Variants in SMARCA1 observed in about 807,000 individuals in gnomAD.
SMARCA1 encodes SWI/SNF-related matrix-associated actin-dependent regulator of chromatin subfamily A member 1.
In SMARCA1, 17 loss-of-function variants were observed where a neutral mutation model predicts 93.6. The observed-to-expected ratio is 0.18, with a 90% CI of 0.12 to 0.27. The LOEUF is 0.27. Among genes scored for constraint, SMARCA1 ranks in the 10% least tolerant of loss-of-function variants. The pLI, the probability that SMARCA1 is intolerant of heterozygous loss-of-function variation, is 1.00. For synonymous variants in SMARCA1, 271 were observed against 271.4 expected (o/e 1.00, Z 0.01); for missense variants, 630 against 819.0 (o/e 0.77, Z 2.82).
chrX:129,464,054 G>T (rs1056215332), intron 23 of SMARCA1, among the ~76,000 whole-genome samples: 2 of 112,098 alleles, frequency 1.8e-5, no homozygotes, highest in African/African-American at 6.5e-5. Flanking sequence ...ATCATGGCTT[G>T]GTCTAAAATA....
chrX:129,493,314 C>A (rs959976326), intron 12 of SMARCA1, among the ~76,000 whole-genome samples: 1 of 111,491 alleles, frequency 9.0e-6, no homozygotes, highest in Non-Finnish European at 1.9e-5. Flanking sequence ...CTGTACTTTA[C>A]ATATAGTATA....
intron 3 of SMARCA1, 82 bp downstream of exon 3, chrX:129,516,249 G>A (rs1211609059): frequency 4.6e-6 from 4 of 876,420 alleles, no homozygotes; most frequent in South Asian, 2.4e-5. Context: ...GAGCGAAGGG[G>A]TGCATGAAGG....
chrX:129,504,562 AAAAAAAAAAAAAAAAAAAAC>A (rs2096549196), intron 9 of SMARCA1, among the ~76,000 whole-genome samples, 152 bp downstream of exon 9: 1 of 96,110 alleles, frequency 1.0e-5, no homozygotes, highest in Non-Finnish European at 2.0e-5. Context: ...AAAAAAAAAA[AAAAAAAAAAAAAAAAAAAAC>A]AAAGAGGCTG....
chrX:129,456,253 T>C lies in SMARCA1; in HGVS notation c.3031-7810A>G, dbSNP rs1292561753. On this transcript the variant is annotated intron_variant, in intron 23 of 24. Coordinates refer to ENST00000371121, the MANE Select transcript of SMARCA1 (RefSeq NM_001282874.2). ...AGCACTATTTATAGTATGAAGTATTTATACTTTAAGCCCATGTTGAGACCC... is the reference window on the plus strand; with the variant it reads ...AGCACTATTTATAGTATGAAGTATTCATACTTTAAGCCCATGTTGAGACCC... Among the ~76,000 whole-genome samples the C allele has an allele frequency of 3.6e-5, 4 of 111,751 alleles. No individual in the cohort carries two copies. In the East Asian group the frequency reaches 1.1e-3, roughly 31 times the overall value.
intron 17 of SMARCA1, among the ~76,000 whole-genome samples, chrX:129,484,976 G>A (rs1360857377): frequency 8.9e-6 from 1 of 112,304 alleles, no homozygotes; most frequent in Non-Finnish European, 1.9e-5. Flanking sequence ...CCACAGGGGC[G>A]CTGCCCTGTG....
At chrX:129,517,149 G>A (rs895375135) in intron 2 of SMARCA1, among the ~76,000 whole-genome samples, 20 of 110,155 alleles carry the variant, frequency 1.8e-4, no homozygotes, top group African/African-American at 5.9e-4. Flanking sequence ...GCAGAATTTG[G>A]GAAAAATATA....
intron 17 of SMARCA1, among the ~76,000 whole-genome samples, chrX:129,482,830 T>G (rs1933739965): frequency 8.9e-6 from 1 of 111,884 alleles, no homozygotes; most frequent in Non-Finnish European, 1.9e-5. Context: ...TAGCCTAGTA[T>G]CTTTACATAA....
At chrX:129,519,568 A>T (rs752613803) in intron 1 of SMARCA1, among the ~76,000 whole-genome samples, 1 of 111,763 alleles carries the variant, frequency 8.9e-6, no homozygotes, top group Non-Finnish European at 1.9e-5. Context: ...ATGGAATTTG[A>T]CCTTGTCCAG....
At chrX:129,452,966 AC>A (rs1054463684) in intron 23 of SMARCA1, among the ~76,000 whole-genome samples, 4 of 111,528 alleles carry the variant, frequency 3.6e-5, no homozygotes, top group Non-Finnish European at 7.5e-5. Context: ...TGTTACGGTG[AC>A]CTGTGGTCAG....
Position 129,457,133 on chromosome X carries a change from A to G in SMARCA1, c.3030+8387T>C, listed in dbSNP as rs758758803. Among the ~76,000 whole-genome samples, 5 of 112,452 alleles carry G rather than the reference A, an allele frequency of 4.4e-5. No homozygotes were observed. The South Asian group carries it at 1.9e-3, about 42-fold the overall frequency. ...CCCTGATCAGTCAGCAGCAATTCAC[A>G]CTGAGGCAAGACCATCCACCAGCAA... On this transcript the variant is annotated intron_variant, in intron 23 of 24. Coordinates refer to ENST00000371121, the MANE Select transcript of SMARCA1 (RefSeq NM_001282874.2).
chrX:129,465,094 C>T (rs1219006537), intron 23 of SMARCA1, among the ~76,000 whole-genome samples: 1 of 110,951 alleles, frequency 9.0e-6, no homozygotes, highest in Admixed American at 9.6e-5. Context: ...TTGGGGGCAA[C>T]TGGAAAAGCT....
intron 17 of SMARCA1, among the ~76,000 whole-genome samples, chrX:129,484,199 T>C (rs1260556787): frequency 1.8e-5 from 2 of 112,454 alleles, no homozygotes; most frequent in Non-Finnish European, 3.8e-5. Context: ...TCCACTGGTA[T>C]TTAGACTTCA....
At chrX:129,447,396 A>G (rs761447578) in intron 24 of SMARCA1, 163 bp from the exon 25 acceptor site, 13 of 435,017 alleles carry the variant, frequency 3.0e-5, no homozygotes, top group East Asian at 2.2e-4. Flanking sequence ...AACAAACTAT[A>G]TAACCCAATG....
chrX:129,461,165 T>C (rs1340976953), intron 23 of SMARCA1, among the ~76,000 whole-genome samples: 2 of 111,505 alleles, frequency 1.8e-5, no homozygotes, highest in Non-Finnish European at 3.8e-5. Context: ...TCAACTCTAA[T>C]ATATACAAGG....
intron 19 of SMARCA1, among the ~76,000 whole-genome samples, chrX:129,473,439 A>G (rs1005091039): frequency 1.4e-4 from 16 of 112,345 alleles, no homozygotes; most frequent in African/African-American, 5.2e-4. Flanking sequence ...CAGGCATACC[A>G]GCAATTCCAT....
At chrX:129,512,765 T>A (rs750277780) in intron 5 of SMARCA1, among the ~76,000 whole-genome samples, 1 of 111,970 alleles carries the variant, frequency 8.9e-6, no homozygotes, top group Admixed American at 9.5e-5. Flanking sequence ...ATACTATACA[T>A]CAAAACCTTA....
At chrX:129,475,542 A>G (rs936929254) in intron 19 of SMARCA1, among the ~76,000 whole-genome samples, 1 of 111,856 alleles carries the variant, frequency 8.9e-6, no homozygotes, top group African/African-American at 3.2e-5. Context: ...AGAATTAAGC[A>G]GACAAATTAC....
intron 9 of SMARCA1, among the ~76,000 whole-genome samples, chrX:129,503,794 T>C (rs1279205851): frequency 9.2e-6 from 1 of 108,293 alleles, no homozygotes; most frequent in East Asian, 2.9e-4. Flanking sequence ...AAAACCCGTC[T>C]CTACTAAAAA....
chrX:129,449,021 C>T (rs997518762), intron 23 of SMARCA1, among the ~76,000 whole-genome samples: 1 of 110,183 alleles, frequency 9.1e-6, no homozygotes, highest in Non-Finnish European at 1.9e-5. Context: ...GAAATCTGAA[C>T]AAGCTCTATA....
Sources: allele counts gnomAD v4.1 joint callset (sites outside exome capture counted in the v4.1 genomes callset), GRCh38; gene constraint gnomAD v4.1.1; transcripts MANE v1.5; gene names NCBI Gene and HGNC (gene_info 2026-07-23, HGNC 2026-07-21).